Variants in CSMD1 observed in about 807,000 individuals in gnomAD.
CSMD1 encodes CUB and Sushi multiple domains 1, also known as CUB and sushi domain-containing protein 1.
CSMD1 carries 213 observed loss-of-function variants against 417.5 expected under a neutral mutation model. That is an observed-to-expected ratio of 0.51 (90% confidence interval 0.46 to 0.57). The LOEUF (loss-of-function observed/expected upper bound fraction) is 0.57, where lower values mean the gene tolerates loss of function less well. Among genes scored for constraint, CSMD1 ranks in the 20% least tolerant of loss-of-function variants. CSMD1 has a pLI of 0.00. For missense variants in CSMD1, 6,923 were observed against 4,529.7 expected (o/e 1.53, Z -15.17); for synonymous variants, 2,862 against 1,736.8 (o/e 1.65, Z -16.11).
chr8:3,726,774 G>C (rs371243924), intron 6 of CSMD1, among the ~76,000 whole-genome samples: 8 of 152,134 alleles, frequency 5.3e-5, no homozygotes, highest in African/African-American at 1.7e-4. Flanking sequence ...CTTATTCTTA[G>C]CATGCCCTCT....
chr8:3,574,087 T>G (rs563691592), intron 10 of CSMD1, among the ~76,000 whole-genome samples: 1 of 152,276 alleles, frequency 6.6e-6, no homozygotes, highest in East Asian at 1.9e-4. Context: ...GAAATAACAG[T>G]ATTACCCTCT....
At chr8:3,090,316 CAA>C (rs35534326) in intron 48 of CSMD1, among the ~76,000 whole-genome samples, 83 of 79,798 alleles carry the variant, frequency 1.0e-3, no homozygotes, top group South Asian at 3.7e-3. Flanking sequence ...GACTGTATTT[CAA>C]AAAAAAAAAA....
chr8:3,574,797 G>T, intron 10 of CSMD1, 148 bp downstream of exon 10: 1 of 801,632 alleles, frequency 1.2e-6, no homozygotes, highest in Non-Finnish European at 1.9e-6. Context: ...AATGAATGTG[G>T]CATCTAGACA....
At chr8:4,162,939 C>A (rs1230140196) in intron 3 of CSMD1, among the ~76,000 whole-genome samples, 6 of 152,172 alleles carry the variant, frequency 3.9e-5, no homozygotes, top group Non-Finnish European at 1.5e-5. Flanking sequence ...TTTTTACTGT[C>A]TCTACAGTTC....
At chr8:3,372,514 G>A (rs1312893565) in intron 18 of CSMD1, among the ~76,000 whole-genome samples, 5 of 152,140 alleles carry the variant, frequency 3.3e-5, no homozygotes, top group South Asian at 2.1e-4. Context: ...AGCAAGATGG[G>A]AAGACATGGT....
At chr8:4,299,253 A>G (rs888790069) in intron 3 of CSMD1, among the ~76,000 whole-genome samples, 1 of 152,310 alleles carries the variant, frequency 6.6e-6, no homozygotes, top group South Asian at 2.1e-4. Flanking sequence ...GTAAATATTT[A>G]AATTTAAAAC....
At chr8:3,456,163 C>G (rs186659107) in intron 12 of CSMD1, among the ~76,000 whole-genome samples, 2 of 152,310 alleles carry the variant, frequency 1.3e-5, no homozygotes, top group Non-Finnish European at 2.9e-5. Context: ...TTTAGAAAAG[C>G]ACAGTATTAG....
chr8:4,543,976 C>T (rs932234777), intron 2 of CSMD1, among the ~76,000 whole-genome samples: 1 of 152,074 alleles, frequency 6.6e-6, no homozygotes, highest in African/African-American at 2.4e-5. Flanking sequence ...TTATTAGGTT[C>T]ATTGTTTTCT....
chr8:4,106,865 TTTC>T (rs1357709199), intron 3 of CSMD1, among the ~76,000 whole-genome samples: 3 of 152,146 alleles, frequency 2.0e-5, no homozygotes, highest in Non-Finnish European at 4.4e-5. Flanking sequence ...CTGCCCCGCA[TTTC>T]TTCAACTCAA....
intron 1 of CSMD1, among the ~76,000 whole-genome samples, chr8:4,719,759 T>C (rs1380504303): frequency 1.3e-5 from 2 of 152,200 alleles, no homozygotes; most frequent in Admixed American, 6.5e-5. Flanking sequence ...GCACTTACGA[T>C]TTTCAAAGTA....
chr8:3,643,079 GGA>G (rs962462679), intron 7 of CSMD1, among the ~76,000 whole-genome samples: 3 of 152,006 alleles, frequency 2.0e-5, no homozygotes, highest in African/African-American at 7.3e-5. Flanking sequence ...CACGGGAGAG[GGA>G]GAGAGACAGG....
At chr8:4,111,713 G>C (rs904560870) in intron 3 of CSMD1, among the ~76,000 whole-genome samples, 2 of 152,122 alleles carry the variant, frequency 1.3e-5, no homozygotes, top group Admixed American at 6.6e-5. Flanking sequence ...AGTGGGAGCT[G>C]AACAGTAGGA....
intron 7 of CSMD1, among the ~76,000 whole-genome samples, chr8:3,700,792 G>T (rs1471773615): frequency 6.6e-6 from 1 of 152,120 alleles, no homozygotes; most frequent in African/African-American, 2.4e-5. Flanking sequence ...AGGATGCAAG[G>T]GTGGGAGCAA....
chr8:4,462,945 G>A (rs994321707), intron 2 of CSMD1, among the ~76,000 whole-genome samples: 2 of 151,980 alleles, frequency 1.3e-5, no homozygotes, highest in African/African-American at 2.4e-5. Context: ...CACAAGAAAA[G>A]AATTAACTGG....
At chr8:4,423,881 C>T (rs1195754396) in intron 2 of CSMD1, among the ~76,000 whole-genome samples, 3 of 151,980 alleles carry the variant, frequency 2.0e-5, no homozygotes, top group Non-Finnish European at 4.4e-5. Context: ...ACCCGTATGT[C>T]AATGGATCAG....
intron 26 of CSMD1, among the ~76,000 whole-genome samples, chr8:3,267,168 C>T (rs573390971): frequency 6.6e-6 from 1 of 152,056 alleles, no homozygotes; most frequent in Non-Finnish European, 1.5e-5. Flanking sequence ...TGCTGGAGGA[C>T]CACCACTGCC....
chr8:3,835,981 T>A (rs979320215), intron 5 of CSMD1, among the ~76,000 whole-genome samples: 1 of 152,138 alleles, frequency 6.6e-6, no homozygotes, highest in Admixed American at 6.6e-5. Context: ...GACTCTCTTA[T>A]TATTTCTATA....
chr8:4,628,052 A>G (rs1185044656), intron 2 of CSMD1, among the ~76,000 whole-genome samples: 1 of 151,880 alleles, frequency 6.6e-6, no homozygotes, highest in African/African-American at 2.4e-5. Flanking sequence ...AATCACCCCC[A>G]GTGGAGAAAG....
intron 7 of CSMD1, among the ~76,000 whole-genome samples, chr8:3,652,766 T>C (rs1336823322): frequency 6.6e-6 from 1 of 152,198 alleles, no homozygotes; most frequent in African/African-American, 2.4e-5. Context: ...AGGTGAGATT[T>C]GGCTGGGAAA....
Sources: gnomAD v4.1 joint callset for allele counts (sites outside exome capture counted in the v4.1 genomes callset) on GRCh38, gnomAD v4.1.1 for gene constraint, MANE v1.5 for transcripts, NCBI Gene and HGNC (gene_info 2026-07-23, HGNC 2026-07-21) for gene names.